Variants in TOPAZ1 observed in about 807,000 individuals in gnomAD.
TOPAZ1 encodes the protein testis and ovary specific TOPAZ 1.
Under a neutral mutation model 172.2 loss-of-function variants are expected in TOPAZ1, and 66 were observed. The observed-to-expected ratio is 0.38, with a 90% CI of 0.31 to 0.47. TOPAZ1 has a LOEUF of 0.47. Among genes scored for constraint, TOPAZ1 ranks in the 20% least tolerant of loss-of-function variants. TOPAZ1 has a pLI of 0.99. For missense variants in TOPAZ1, 1,822 were observed against 1,972.4 expected, an observed-to-expected ratio of 0.92 and a Z score of 1.44; for synonymous variants, 681 against 683.9, an observed-to-expected ratio of 1.00 and a Z score of 0.07.
chr3:44,305,931 G>A (rs932650294), intron 14 of TOPAZ1, among the ~76,000 whole-genome samples: 1 of 152,126 alleles, frequency 6.6e-6, no homozygotes, highest in Non-Finnish European at 1.5e-5. Context: ...TTATAGTGGA[G>A]CACCTGAATT....
chr3:44,319,018 A>G (rs1700481427), intron 16 of TOPAZ1, among the ~76,000 whole-genome samples: 1 of 152,052 alleles, frequency 6.6e-6, no homozygotes, highest in South Asian at 2.1e-4. Flanking sequence ...TGTTCTCCCC[A>G]GCACAGCTCG....
At chr3:44,336,141 A>G (rs1700723450), downstream of TOPAZ1, among the ~76,000 whole-genome samples, 1 of 152,256 alleles carries the variant, frequency 6.6e-6, no homozygotes, top group Non-Finnish European at 1.5e-5. Flanking sequence ...TTAGTAAGTC[A>G]TCCACATACT....
intron 2 of TOPAZ1, among the ~76,000 whole-genome samples, chr3:44,254,686 C>CTTT (rs1451287964): frequency 1.4e-5 from 2 of 146,882 alleles, no homozygotes; most frequent in Non-Finnish European, 3.0e-5. Context: ...TGGTGTAATA[C>CTTT]TTTTTTGAAT....
At chr3:44,295,594 A>G (rs573573248) in intron 12 of TOPAZ1, among the ~76,000 whole-genome samples, 1 of 152,194 alleles carries the variant, frequency 6.6e-6, no homozygotes, top group South Asian at 2.1e-4. Context: ...GATTATATGA[A>G]TAACGAATTA....
At chr3:44,310,478 A>T (rs1481338841) in intron 16 of TOPAZ1, among the ~76,000 whole-genome samples, 2 of 152,122 alleles carry the variant, frequency 1.3e-5, no homozygotes, top group African/African-American at 4.8e-5. Flanking sequence ...CAGCCTGGGC[A>T]ACAGAACGAG....
intron 16 of TOPAZ1, among the ~76,000 whole-genome samples, chr3:44,310,782 A>G (rs1314289299): frequency 6.6e-6 from 1 of 152,226 alleles, no homozygotes; most frequent in East Asian, 1.9e-4. Context: ...CGTAAACTCT[A>G]TCTTCATATG....
chr3:44,284,225 T>G (rs904142342), intron 9 of TOPAZ1, among the ~76,000 whole-genome samples: 23 of 152,222 alleles, frequency 1.5e-4, no homozygotes, highest in African/African-American at 5.5e-4. Context: ...TTCCCAGAAC[T>G]TTCTCATTCC....
downstream of TOPAZ1, among the ~76,000 whole-genome samples, chr3:44,335,462 A>G (rs1305578219): frequency 1.3e-5 from 2 of 152,038 alleles, no homozygotes; most frequent in Non-Finnish European, 2.9e-5. Context: ...TGACTCTACT[A>G]AAAATGCAAA....
intron 8 of TOPAZ1, among the ~76,000 whole-genome samples, chr3:44,275,156 A>G (rs1322791936): frequency 6.6e-6 from 1 of 152,052 alleles, no homozygotes; most frequent in East Asian, 1.9e-4. Context: ...CAATCAAGTC[A>G]GGGTATTTGG....
At chr3:44,261,698 A>G (rs867061572) in intron 4 of TOPAZ1, among the ~76,000 whole-genome samples, 1 of 152,142 alleles carries the variant, frequency 6.6e-6, no homozygotes, top group Non-Finnish European at 1.5e-5. Context: ...GAACAATGTC[A>G]TTGGTAGTTT....
At chr3:44,271,156 A>G (rs548346992) in intron 8 of TOPAZ1, among the ~76,000 whole-genome samples, 9 of 152,266 alleles carry the variant, frequency 5.9e-5, no homozygotes, top group African/African-American at 1.4e-4. Context: ...ACGTTCTGAT[A>G]GGTTATACTT....
chr3:44,287,146 ATTC>A (rs1435185676), intron 9 of TOPAZ1, among the ~76,000 whole-genome samples: 1 of 152,172 alleles, frequency 6.6e-6, no homozygotes, highest in Admixed American at 6.5e-5. Context: ...GTTTGGACCT[ATTC>A]TTTGCAGGTA....
intron 9 of TOPAZ1, among the ~76,000 whole-genome samples, chr3:44,282,863 ATTG>A (rs1559536380): frequency 6.6e-6 from 1 of 152,174 alleles, no homozygotes; most frequent in African/African-American, 2.4e-5. Context: ...ACCTAATGGA[ATTG>A]CTAGTCTGAA....
chr3:44,242,582 A>T (rs943456686), intron 1 of TOPAZ1, among the ~76,000 whole-genome samples, 183 bp downstream of exon 1: 8 of 152,190 alleles, frequency 5.3e-5, no homozygotes, highest in Admixed American at 3.9e-4. Context: ...CTTGGTCAGA[A>T]TTATGATAGG....
chr3:44,259,454 C>T (rs1182617504), intron 4 of TOPAZ1, among the ~76,000 whole-genome samples: 2 of 152,172 alleles, frequency 1.3e-5, no homozygotes, highest in African/African-American at 4.8e-5. Flanking sequence ...TTTTTCCTTT[C>T]AATGTATGTA....
At chr3:44,329,436 G>A (rs972525187) in intron 19 of TOPAZ1, among the ~76,000 whole-genome samples, 1 of 152,168 alleles carries the variant, frequency 6.6e-6, no homozygotes, top group South Asian at 2.1e-4. Flanking sequence ...TTGGTTAAGT[G>A]TCTTCATGAC....
At chr3:44,302,177 G>A (rs1371752384) in intron 12 of TOPAZ1, among the ~76,000 whole-genome samples, 14 of 152,154 alleles carry the variant, frequency 9.2e-5, no homozygotes, top group Admixed American at 8.5e-4. Flanking sequence ...TTGGGAGGCC[G>A]AGGTGGGCAG....
rs1421933494 is a variant in TOPAZ1, at chr3:44,323,292, A to C, written c.4672A>C (p.Lys1558Gln). The C allele has an allele frequency of 6.5e-7, 1 of 1,532,106 alleles. No individual in the cohort carries two copies. Among genetic ancestry groups the C allele is most frequent in the Non-Finnish European group, 8.8e-7 (1 of 1,137,874 alleles). The allele number at this position is 1,532,106 out of a possible 1,614,324, so 94.9% of individuals were successfully genotyped here. Residue 1558 changes from lysine to glutamine, a missense_variant, in exon 18 of 20, where the codon AAA becomes CAA. Lys to Gln is a moderately conservative substitution (Grantham distance 53). Coordinates refer to ENST00000309765, the MANE Select transcript of TOPAZ1 (RefSeq NM_001145030.2). The part of the protein sequence containing the change: ...RLWLKARAHY[K>Q]SALSLGCYPP... ...ATGGCTCAAAGCCAGAGCCCACTAC[A>C]AAAGTAAGTTACATTTAAAATGTTT...
chr3:44,276,644 TTTTTTTTTTC>T (rs1559534318), intron 8 of TOPAZ1, among the ~76,000 whole-genome samples: 2 of 130,312 alleles, frequency 1.5e-5, no homozygotes, highest in South Asian at 2.9e-4. Context: ...TTTTTTTTTT[TTTTTTTTTTC>T]CAGAATTGCT....
Sources: gnomAD v4.1 joint callset for allele counts (sites outside exome capture counted in the v4.1 genomes callset) on GRCh38, gnomAD v4.1.1 for gene constraint, MANE v1.5 for transcripts, NCBI Gene and HGNC (gene_info 2026-07-23, HGNC 2026-07-21) for gene names.